SAXO1: variants seen among roughly 807,000 people sequenced by gnomAD.
SAXO1 encodes stabilizer of axonemal microtubules 1.
In SAXO1, 21 loss-of-function variants were observed where a neutral mutation model predicts 17.5. The observed-to-expected ratio is 1.20, with a 90% confidence interval of 0.85 to 1.72. The LOEUF (loss-of-function observed/expected upper bound fraction) is 1.72. Among genes scored for constraint, SAXO1 ranks in the 40% most tolerant of loss-of-function variants. SAXO1 has a pLI of 0.00. For missense variants in SAXO1, 843 were observed against 596.0 expected (o/e 1.41, Z -4.32); for synonymous variants, 274 against 216.5 (o/e 1.27, Z -2.33).
intron 1 of SAXO1, among the ~76,000 whole-genome samples, chr9:18,996,699 A>T (rs1834017157): frequency 6.6e-6 from 1 of 152,220 alleles, no homozygotes; most frequent in South Asian, 2.1e-4. Context: ...ATAACATGAT[A>T]AAGGCCACGG....
In SAXO1 at chr9:18,941,213, G is replaced by A. The variant is rs1831540185; in HGVS notation, c.421+424C>T. Among the ~76,000 whole-genome samples, 5 of 152,110 alleles carry A rather than the reference G, an allele frequency of 3.3e-5. No homozygotes were observed. The South Asian group carries it at 8.3e-4, about 25-fold the overall frequency. ...GATTCAAACTGCAAGCTAAGGCAGG[G>A]GTTGGCAGATATTTTGTATAAGAGC... On this transcript the variant is annotated intron_variant, in intron 3 of 3. Transcript: ENST00000380534.
intron 1 of SAXO1, among the ~76,000 whole-genome samples, chr9:19,021,458 G>C (rs1352440244): frequency 6.6e-6 from 1 of 152,136 alleles, no homozygotes; most frequent in Non-Finnish European, 1.5e-5. Flanking sequence ...GACTTCTCTT[G>C]AGGTCGCCAG....
chr9:18,928,538 G>A lies in SAXO1; in HGVS notation c.939C>T (p.Cys313=), dbSNP rs34932739. ...LLTTVQAHYT[C]PKGAPAQSCR... is the part of the protein sequence containing the mutation. Reference sequence around the variant, plus strand: ...AGGACTGAGCTGGGGCACCCTTAGGGCATGTGTAATGGGCCTGCACTGTTG... The same window carrying A: ...AGGACTGAGCTGGGGCACCCTTAGGACATGTGTAATGGGCCTGCACTGTTG... Residue 313 remains cysteine, a synonymous_variant, in exon 4 of 4, where the codon TGC becomes TGT. Coordinates refer to ENST00000380534, the MANE Select transcript of SAXO1 (RefSeq NM_153707.4). The A allele has an allele frequency of 6.2e-7, 1 of 1,614,044 alleles. No individual in the cohort carries two copies. Among genetic ancestry groups the A allele is most frequent in the Non-Finnish European group, 8.5e-7 (1 of 1,179,960 alleles).
In SAXO1 at chr9:18,928,986, G is replaced by C. The variant is rs1354617409; in HGVS notation, c.491C>G (p.Ser164Ter). 1 of 1,614,088 alleles carries C rather than the reference G, an allele frequency of 6.2e-7. No individual in the cohort carries two copies. The highest frequency in any genetic ancestry group is 2.2e-5 in the East Asian group (1 of 44,866). ...LRLEHKYQPASVRFDNRTTHQ... is the reference protein window; with the variant it reads ...LRLEHKYQPA ...TGTGGTTCTGTTATCAAACCTGACT[G>C]ATGCCGGCTGGTATTTGTGTTCCAG... The change falls in exon 4 of 4, where the codon TCA becomes TGA. Residue 164 changes from serine (S) to a stop codon, truncating the protein, a stop_gained. Transcript: ENST00000380534. LOFTEE classifies it low-confidence loss of function (END_TRUNC).
At chr9:18,967,047 C>T (rs6475290) in intron 1 of SAXO1, among the ~76,000 whole-genome samples, 1 of 152,086 alleles carries the variant, frequency 6.6e-6, no homozygotes, top group African/African-American at 2.4e-5. Flanking sequence ...CATTCCAGAC[C>T]CTGTTTGCCT....
chr9:18,992,605 G>C (rs1047092174), intron 1 of SAXO1, among the ~76,000 whole-genome samples: 1 of 152,142 alleles, frequency 6.6e-6, no homozygotes, highest in African/African-American at 2.4e-5. Flanking sequence ...GTTGCAAGCA[G>C]TTAACCACTA....
chr9:18,983,060 A>AAAT (rs896770362), intron 1 of SAXO1, among the ~76,000 whole-genome samples: 1 of 152,126 alleles, frequency 6.6e-6, no homozygotes, highest in African/African-American at 2.4e-5. Flanking sequence ...ATTAGCAGAG[A>AAAT]GGTTATTCAA....
At chr9:19,044,993 G>A (rs908549646) in intron 1 of SAXO1, among the ~76,000 whole-genome samples, 1 of 151,798 alleles carries the variant, frequency 6.6e-6, no homozygotes, top group African/African-American at 2.4e-5. Context: ...TAAAAAGGAG[G>A]GATTGTTTGA....
intron 1 of SAXO1, among the ~76,000 whole-genome samples, chr9:18,991,846 A>C (rs1330048733): frequency 6.6e-6 from 1 of 152,198 alleles, no homozygotes; most frequent in Non-Finnish European, 1.5e-5. Flanking sequence ...GGTGCCAGAA[A>C]GTTGGAGGAC....
At chr9:19,016,047 G>A (rs1466184016) in intron 1 of SAXO1, among the ~76,000 whole-genome samples, 1 of 152,172 alleles carries the variant, frequency 6.6e-6, no homozygotes, top group Non-Finnish European at 1.5e-5. Flanking sequence ...TTCACATGCA[G>A]GGGAAGGGCA....
chr9:18,954,096 T>C (rs953951958), intron 1 of SAXO1, among the ~76,000 whole-genome samples: 6 of 152,228 alleles, frequency 3.9e-5, no homozygotes, highest in Admixed American at 1.3e-4. Context: ...GATGGATCCA[T>C]AGGCCGGGAA....
chr9:18,941,970 G>C (rs566970063), intron 2 of SAXO1, 131 bp from the exon 3 acceptor site: 3 of 788,944 alleles, frequency 3.8e-6, no homozygotes, highest in African/African-American at 3.5e-5. Flanking sequence ...CTCCTCCCCC[G>C]AACTGTTTCT....
At chr9:19,033,827 T>C (rs1269835377), upstream of SAXO1, among the ~76,000 whole-genome samples, 2 of 152,206 alleles carry the variant, frequency 1.3e-5, no homozygotes, top group Non-Finnish European at 2.9e-5. Context: ...TCAGTGTTTC[T>C]AGGGTAGGCC....
At chr9:18,984,515 A>C (rs1161864470) in intron 1 of SAXO1, among the ~76,000 whole-genome samples, 1 of 152,242 alleles carries the variant, frequency 6.6e-6, no homozygotes, top group Non-Finnish European at 1.5e-5. Context: ...CTTCTACATC[A>C]GCACTTCCTG....
At chr9:19,040,798 G>A (rs1165014246) in intron 1 of SAXO1, among the ~76,000 whole-genome samples, 7 of 152,250 alleles carry the variant, frequency 4.6e-5, no homozygotes, top group Admixed American at 2.6e-4. Flanking sequence ...TAGAAGCAGA[G>A]ATCAAATACA....
At chr9:19,046,154 A>C (rs1836210885) in intron 1 of SAXO1, among the ~76,000 whole-genome samples, 1 of 151,864 alleles carries the variant, frequency 6.6e-6, no homozygotes, top group African/African-American at 2.4e-5. Flanking sequence ...AGAAACCAAG[A>C]CTAAACGGGA....
At position 19,022,092 on chromosome 9, in the gene SAXO1, A is replaced by G. The variant is rs531544599; in HGVS notation, c.38+10779T>C. Among the ~76,000 whole-genome samples, 428 of 152,342 alleles carry G rather than the reference A, an allele frequency of 2.8e-3. 1 individual carries two copies. Among genetic ancestry groups the G allele is most frequent in the African/African-American group, 9.9e-3 (413 of 41,574 alleles). ...ACTATCTTTATGAGCTGTAACACTCAGTGTGAGTTTCTGTGGCTTCATTCC... is the reference window on the plus strand; with the variant it reads ...ACTATCTTTATGAGCTGTAACACTCGGTGTGAGTTTCTGTGGCTTCATTCC... On this transcript the variant is annotated intron_variant, in intron 1 of 3. Transcript: ENST00000380534.
intron 1 of SAXO1, among the ~76,000 whole-genome samples, chr9:18,977,732 G>C (rs984044402): frequency 6.6e-6 from 1 of 152,128 alleles, no homozygotes; most frequent in Middle Eastern, 3.4e-3. Context: ...GGTGGCTCAC[G>C]GCTGTAAATC....
chr9:19,003,034 C>A (rs924645364), intron 1 of SAXO1, among the ~76,000 whole-genome samples: 3 of 152,180 alleles, frequency 2.0e-5, no homozygotes, highest in Admixed American at 6.6e-5. Flanking sequence ...TGATAAGCAA[C>A]TTCAGCAAAG....
Sources: gnomAD v4.1 joint callset for allele counts (sites outside exome capture counted in the v4.1 genomes callset) on GRCh38, gnomAD v4.1.1 for gene constraint, MANE v1.5 for transcripts, NCBI Gene and HGNC (gene_info 2026-07-23, HGNC 2026-07-21) for gene names.